ABI2: variants seen among roughly 807,000 people sequenced by gnomAD.
ABI2 encodes the protein abl interactor 2.
A neutral mutation model predicts 59.2 loss-of-function variants in ABI2; 25 were observed. The ratio of observed to expected loss-of-function variants is 0.42; its 90% CI spans 0.31 to 0.59. The LOEUF is 0.59. Ranked by LOEUF, ABI2 falls within the 20% of genes least tolerant of loss-of-function variation. The pLI is 0.14. For missense variants in ABI2, 545 were observed against 681.8 expected (o/e 0.80, Z 2.23); for synonymous variants, 213 against 235.5 (o/e 0.90, Z 0.87).
intron 1 of ABI2, among the ~76,000 whole-genome samples, chr2:203,350,328 C>T (rs1196903213): frequency 1.3e-5 from 2 of 151,980 alleles, no homozygotes; most frequent in African/African-American, 4.8e-5. Context: ...CCTCCCGCCT[C>T]GTGACCAACC....
intron 1 of ABI2, among the ~76,000 whole-genome samples, chr2:203,349,319 T>A (rs1014681208): frequency 2.0e-5 from 3 of 152,194 alleles, no homozygotes; most frequent in Non-Finnish European, 2.9e-5. Context: ...CACAAAATAG[T>A]CATAACAATC....
At chr2:203,392,777 T>C (rs1204801434) in intron 5 of ABI2, among the ~76,000 whole-genome samples, 3 of 152,210 alleles carry the variant, frequency 2.0e-5, no homozygotes, top group Non-Finnish European at 4.4e-5. Flanking sequence ...CCTAGAAGAA[T>C]GAAACTTTGT....
chr2:203,382,951 CAAT>C (rs1479709969), intron 4 of ABI2, among the ~76,000 whole-genome samples: 2 of 152,034 alleles, frequency 1.3e-5, no homozygotes, highest in African/African-American at 4.8e-5. Flanking sequence ...GAATTCGTTT[CAAT>C]AATGTTTTGG....
At position 203,350,249 on chromosome 2, in the gene ABI2, G is replaced by T. The variant is rs113951639; in HGVS notation, c.118-16628G>T. Among the ~76,000 whole-genome samples, 3 of 152,212 alleles carry T rather than the reference G, an allele frequency of 2.0e-5. No homozygotes were observed. In the South Asian group the frequency reaches 6.2e-4, roughly 32 times the overall value. On this transcript the variant is annotated intron_variant, in intron 1 of 11. Coordinates refer to ENST00000261018, the MANE Select transcript of ABI2 (RefSeq NM_001375670.1). ...GCATTACTATGCCCGGCTAATTCTC[G>T]TATTTTTAGTAGAGACGAGGTTTCA...
rs201494250 is a variant in ABI2 at position 203,416,899 on chromosome 2, C to T, written c.1280-9C>T. ...ATATAGTTTTGTTGTCAGCCTGATACGTTCTTAGTTTCAGATACACCACCT... is the reference window on the plus strand; with the variant it reads ...ATATAGTTTTGTTGTCAGCCTGATATGTTCTTAGTTTCAGATACACCACCT... On this transcript the variant is annotated splice_polypyrimidine_tract_variant and intron_variant, in intron 10 of 11. Coordinates refer to ENST00000261018, the MANE Select transcript of ABI2 (RefSeq NM_001375670.1). The T allele has an allele frequency of 4.4e-5, 70 of 1,604,864 alleles. No individual in the cohort carries two copies. In the African/African-American group the frequency reaches 6.7e-4, roughly 15 times the overall value.
intron 2 of ABI2, among the ~76,000 whole-genome samples, chr2:203,377,612 A>G (rs1474277603): frequency 3.3e-5 from 5 of 152,220 alleles, no homozygotes; most frequent in Non-Finnish European, 5.9e-5. Flanking sequence ...ATGACTCACT[A>G]AACTTTATTC....
chr2:203,366,779 G>A, intron 1 of ABI2, 98 bp from the exon 2 acceptor site: 1 of 1,192,060 alleles, frequency 8.4e-7, no homozygotes, highest in Admixed American at 3.0e-5. Context: ...CTTTCTGGTG[G>A]ACTCAGCAGA....
chr2:203,352,498 T>C (rs2089394173), intron 1 of ABI2, among the ~76,000 whole-genome samples: 2 of 152,106 alleles, frequency 1.3e-5, no homozygotes, highest in South Asian at 2.1e-4. Flanking sequence ...GACAGTGATA[T>C]TGATGATCCT....
chr2:203,354,244 A>T (rs976134958), intron 1 of ABI2, among the ~76,000 whole-genome samples: 2 of 152,082 alleles, frequency 1.3e-5, no homozygotes, highest in African/African-American at 4.8e-5. Context: ...GGGTTTCGCC[A>T]TGTTGCCCAG....
chr2:203,346,150 A>C (rs886200097), intron 1 of ABI2, among the ~76,000 whole-genome samples: 3 of 143,592 alleles, frequency 2.1e-5, no homozygotes, highest in Non-Finnish European at 1.5e-5. Context: ...ACTCCATCTC[A>C]AAAAAAAAAA....
At chr2:203,355,351 T>C (rs1452628825) in intron 1 of ABI2, 1 of 173,266 alleles carries the variant, frequency 5.8e-6, no homozygotes, top group East Asian at 1.4e-4. Flanking sequence ...AAAAATAAAA[T>C]AAAAAAAAAA....
At chr2:203,410,046 T>C (rs1236477891) in intron 9 of ABI2, among the ~76,000 whole-genome samples, 1 of 152,216 alleles carries the variant, frequency 6.6e-6, no homozygotes, top group East Asian at 1.9e-4. Context: ...CTGGTTATGC[T>C]GTTTTATGCC....
intron 1 of ABI2, among the ~76,000 whole-genome samples, chr2:203,344,567 GT>G (rs56966940): frequency 0.94 from 135,925 of 143,990 alleles, 64,382 homozygotes; most frequent in South Asian, 0.99. Flanking sequence ...TGTTGTTTTT[GT>G]TTTTTTTTTT....
At chr2:203,344,979 G>A (rs1259272959) in intron 1 of ABI2, among the ~76,000 whole-genome samples, 6 of 152,112 alleles carry the variant, frequency 3.9e-5, no homozygotes, top group Admixed American at 3.9e-4. Context: ...TCTGTAAAAT[G>A]GACCAATCAG....
intron 1 of ABI2, among the ~76,000 whole-genome samples, chr2:203,338,995 T>TATATATAA (rs2078250841): frequency 1.8e-5 from 1 of 56,708 alleles, no homozygotes; most frequent in Non-Finnish European, 3.3e-5. Flanking sequence ...TATATATATA[T>TATATATAA]ATATATATAT....
intron 1 of ABI2, among the ~76,000 whole-genome samples, chr2:203,345,799 G>A (rs1347353672): frequency 2.0e-5 from 3 of 151,880 alleles, no homozygotes; most frequent in Admixed American, 6.6e-5. Flanking sequence ...ACTGGCCTCG[G>A]CCTCCCAGAG....
chr2:203,363,901 AT>A (rs1224940571), intron 1 of ABI2, among the ~76,000 whole-genome samples: 2 of 151,634 alleles, frequency 1.3e-5, no homozygotes, highest in African/African-American at 2.4e-5. Flanking sequence ...AGTAGCTGGG[AT>A]TACAGGCATG....
chr2:203,384,278 G>GTTTTTGTT (rs1559288673), intron 4 of ABI2, among the ~76,000 whole-genome samples: 4 of 22,990 alleles, frequency 1.7e-4, no homozygotes, highest in South Asian at 1.7e-3. Context: ...CCATACTCTT[G>GTTTTTGTT]TTTTTGTTTT....
At chr2:203,385,881 C>G (rs377640623) in intron 4 of ABI2, among the ~76,000 whole-genome samples, 1 of 152,152 alleles carries the variant, frequency 6.6e-6, no homozygotes, top group Non-Finnish European at 1.5e-5. Context: ...TTTCTCTTTC[C>G]TCTTACTCCT....
Sources: gnomAD v4.1 joint callset for allele counts (sites outside exome capture counted in the v4.1 genomes callset) on GRCh38, gnomAD v4.1.1 for gene constraint, MANE v1.5 for transcripts, NCBI Gene and HGNC (gene_info 2026-07-23, HGNC 2026-07-21) for gene names.